HABP2: variants seen among roughly 807,000 people sequenced by gnomAD.
HABP2 encodes factor VII-activating protease.
A neutral mutation model predicts 66.5 loss-of-function variants in HABP2; 65 were observed. The observed-to-expected ratio is 0.98, with a 90% CI of 0.80 to 1.20. The LOEUF (loss-of-function observed/expected upper bound fraction) is 1.20. Among genes scored for constraint, HABP2 ranks in the 50% most tolerant of loss-of-function variants. The pLI is 0.00. For missense variants in HABP2, 786 were observed against 691.0 expected (o/e 1.14, Z -1.54); for synonymous variants, 263 against 253.9 (o/e 1.04, Z -0.34).
At chr10:113,583,870 C>T (rs1845586912) in intron 10 of HABP2, among the ~76,000 whole-genome samples, 1 of 152,200 alleles carries the variant, frequency 6.6e-6, no homozygotes, top group Non-Finnish European at 1.5e-5. Flanking sequence ...TCTCTCCTTC[C>T]TCAATAGCTT....
At position 113,577,247 on chromosome 10, in the gene HABP2, A is replaced by C. The variant is rs764448016; in HGVS notation, c.429A>C (p.Thr143=). The C allele has an allele frequency of 4.4e-6, 7 of 1,596,692 alleles. No homozygotes were observed. The African/African-American group carries it at 9.4e-5, about 21-fold the overall frequency. Residue 143 remains threonine, a synonymous_variant, in exon 5 of 13, where the codon ACA becomes ACC. Coordinates refer to ENST00000351270, the MANE Select transcript of HABP2 (RefSeq NM_004132.5). ...GCTGTGTCTGTAAACACCCTTACAC[A>C]GGTCCCAGCTGCTCCCAAGGTAAGT... is the stretch of plus-strand genomic sequence containing the variant. ...YYRCVCKHPY[T]GPSCSQVVPV...
chr10:113,566,997 C>G (rs1845209682), intron 1 of HABP2, among the ~76,000 whole-genome samples: 1 of 152,200 alleles, frequency 6.6e-6, no homozygotes, highest in African/African-American at 2.4e-5. Flanking sequence ...TCCCCAGGAA[C>G]TGTCACCTGA....
intron 12 of HABP2, among the ~76,000 whole-genome samples, chr10:113,586,631 C>T (rs903012819): frequency 1.3e-5 from 2 of 151,994 alleles, no homozygotes; most frequent in Non-Finnish European, 2.9e-5. Context: ...GACTTCAGGC[C>T]CTGCCCCAAG....
chr10:113,562,699 C>T (rs1845122151), intron 1 of HABP2, among the ~76,000 whole-genome samples: 1 of 152,232 alleles, frequency 6.6e-6, no homozygotes, highest in African/African-American at 2.4e-5. Flanking sequence ...CCCACCTCGG[C>T]CTCCCAAAGT....
intron 1 of HABP2, among the ~76,000 whole-genome samples, chr10:113,560,533 G>T (rs1845081437): frequency 6.6e-6 from 1 of 152,170 alleles, no homozygotes; most frequent in Non-Finnish European, 1.5e-5. Flanking sequence ...ATATCTGAAA[G>T]AACTGAAAGC....
chr10:113,584,219 C>T lies in HABP2; in HGVS notation c.1309C>T (p.Pro437Ser), dbSNP rs969535570. ...CAAATACGTGAAGACTGTGTGCTTG[C>T]CTGATGGGTCCTTTCCCTCTGGGAG... ...ESKYVKTVCL[P>S]DGSFPSGSEC... Residue 437 changes from proline to serine, a missense_variant, in exon 11 of 13, where the codon CCT becomes TCT. Transcript: ENST00000351270. 6.2e-7 allele frequency: 1 copy of T among 1,613,420 alleles called. No individual in the cohort carries two copies. Among genetic ancestry groups the T allele is most frequent in the African/African-American group, 1.3e-5 (1 of 75,046 alleles).
At chr10:113,560,014 A>G (rs1488228280) in intron 1 of HABP2, among the ~76,000 whole-genome samples, 1 of 152,160 alleles carries the variant, frequency 6.6e-6, no homozygotes, top group Non-Finnish European at 1.5e-5. Flanking sequence ...TCTGCAGATG[A>G]AGGGTCTGAG....
chr10:113,581,794 C>A, intron 8 of HABP2, 82 bp from the exon 9 acceptor site: 1 of 1,448,510 alleles, frequency 6.9e-7, no homozygotes, highest in South Asian at 1.2e-5. Flanking sequence ...CTGTTGGGCT[C>A]AGAGTCATAC....
chr10:113,577,172 C>A lies in HABP2; in HGVS notation c.354C>A (p.Asn118Lys), dbSNP rs775760955. Residue 118 changes from asparagine to lysine, a missense_variant, in exon 5 of 13, where the codon AAC becomes AAA. Asn to Lys is a moderately conservative substitution (Grantham distance 94). Transcript: ENST00000351270. ...CAGTGCAAAATACGTGCAAGGACAA[C>A]CCATGTGGCCGGGGCCAATGTCTCA... ...CQKVQNTCKD[N>K]PCGRGQCLIT... 15 of 1,609,430 alleles carry A rather than the reference C, an allele frequency of 9.3e-6. No homozygotes were observed. The highest frequency in any genetic ancestry group is 1.3e-5 in the Non-Finnish European group (15 of 1,175,852).
chr10:113,576,132 A>G, intron 4 of HABP2, 128 bp downstream of exon 4: 1 of 641,722 alleles, frequency 1.6e-6, no homozygotes, highest in South Asian at 1.8e-5. Flanking sequence ...TGCATAGTGT[A>G]TTCCTCTGCA....
At chr10:113,561,805 G>C (rs1470762560) in intron 1 of HABP2, among the ~76,000 whole-genome samples, 3 of 152,104 alleles carry the variant, frequency 2.0e-5, no homozygotes, top group Non-Finnish European at 4.4e-5. Flanking sequence ...CAGAAGTTTT[G>C]GAATTCTGGA....
At position 113,580,770 on chromosome 10, in the gene HABP2, C is replaced by T. The variant is rs886093333; in HGVS notation, c.838+78C>T. 1.2e-5 allele frequency: 9 copies of T among 744,370 alleles called. No homozygotes were observed. In the African/African-American group the frequency reaches 1.2e-4, roughly 10 times the overall value. The allele number at this position is 744,370 out of a possible 1,614,324, so 46.1% of individuals were successfully genotyped here. On this transcript the variant is annotated intron_variant, in intron 8 of 12. Transcript: ENST00000351270. The stretch of plus-strand genomic sequence containing the variant: ...TAGGGAGATGTCCCTGGCACCTGGT[C>T]CCTCCCTCACCCTGTTCTTCCTCCA...
intron 1 of HABP2, among the ~76,000 whole-genome samples, chr10:113,564,140 G>A (rs1354584091): frequency 6.6e-6 from 1 of 152,154 alleles, no homozygotes; most frequent in African/African-American, 2.4e-5. Flanking sequence ...GTCTTACATG[G>A]TGGCAGGCAA....
At chr10:113,563,731 G>A (rs11575710) in intron 1 of HABP2, among the ~76,000 whole-genome samples, 1 of 152,218 alleles carries the variant, frequency 6.6e-6, no homozygotes, top group African/African-American at 2.4e-5. Context: ...GCAGGTCCTG[G>A]AGGGCCCTTC....
chr10:113,574,024 C>T (rs1026013523), intron 2 of HABP2, among the ~76,000 whole-genome samples: 4 of 152,178 alleles, frequency 2.6e-5, no homozygotes, highest in South Asian at 2.1e-4. Flanking sequence ...AGCTGGACTT[C>T]GCTTCATCTC....
chr10:113,554,718 A>G (rs1017066296), intron 1 of HABP2, among the ~76,000 whole-genome samples: 4 of 152,236 alleles, frequency 2.6e-5, no homozygotes, highest in African/African-American at 4.8e-5. Flanking sequence ...CTTTGCGGGC[A>G]AGGAGAAACG....
intron 2 of HABP2, among the ~76,000 whole-genome samples, chr10:113,568,154 C>T (rs1454083286): frequency 6.6e-6 from 1 of 152,252 alleles, no homozygotes; most frequent in African/African-American, 2.4e-5. Flanking sequence ...GCAAGCTAAG[C>T]AGGGCCACCC....
intron 2 of HABP2, among the ~76,000 whole-genome samples, chr10:113,571,427 G>T (rs558509450): frequency 6.6e-6 from 1 of 152,306 alleles, no homozygotes; most frequent in East Asian, 1.9e-4. Flanking sequence ...GAGATACAGA[G>T]TCGAGAGAGA....
chr10:113,557,883 C>T (rs991136132), intron 1 of HABP2, among the ~76,000 whole-genome samples: 1 of 152,208 alleles, frequency 6.6e-6, no homozygotes, highest in African/African-American at 2.4e-5. Flanking sequence ...CAATGTCATT[C>T]TCATTTTACA....
Sources: gnomAD v4.1 joint callset for allele counts (sites outside exome capture counted in the v4.1 genomes callset) on GRCh38, gnomAD v4.1.1 for gene constraint, MANE v1.5 for transcripts, NCBI Gene and HGNC (gene_info 2026-07-23, HGNC 2026-07-21) for gene names.